The following DAB2IP variants were observed in gnomAD, a reference collection of about 807,000 sequenced individuals.
DAB2IP encodes the protein disabled homolog 2-interacting protein.
DAB2IP carries 28 observed loss-of-function variants against 107.2 expected under a neutral mutation model. That is an observed-to-expected ratio of 0.26 (90% CI 0.19 to 0.36). The LOEUF is 0.36. Ranked by LOEUF, DAB2IP falls within the 10% of genes least tolerant of loss-of-function variation. The probability of loss-of-function intolerance (pLI) is 1.00; values close to 1 mark genes in which losing one functional copy is unlikely to be tolerated. For synonymous variants in DAB2IP, 755 were observed against 706.4 expected (o/e 1.07, Z -1.09); for missense variants, 1,400 against 1,644.7 (o/e 0.85, Z 2.57).
intron 2 of DAB2IP, among the ~76,000 whole-genome samples, chr9:121,689,441 T>C (rs2118678624): frequency 6.6e-6 from 1 of 152,294 alleles, no homozygotes; most frequent in African/African-American, 2.4e-5. Context: ...TGGTGCATTT[T>C]GTATTCTGTA....
intron 2 of DAB2IP, among the ~76,000 whole-genome samples, chr9:121,694,454 A>G (rs1376379706): frequency 3.3e-5 from 5 of 152,070 alleles, no homozygotes; most frequent in Admixed American, 2.0e-4. Flanking sequence ...CTGGTAATAT[A>G]TCATCATCAT....
Position 121,635,912 on chromosome 9 carries a change from G to GAT in DAB2IP, c.41-42766_41-42765insAT, listed in dbSNP as rs1832071238. Among the ~76,000 whole-genome samples the GAT allele has an allele frequency of 1.3e-5, 2 of 152,038 alleles. No individual in the cohort carries two copies. Among genetic ancestry groups the GAT allele is most frequent in the Admixed American group, 6.5e-5 (1 of 15,270 alleles). The stretch of plus-strand genomic sequence containing the variant: ...CCTGTTTAGATGTCTTTTTTGGGGG[G>GAT]GGGTCTGGGGGATGGAGTCTTGCTC... On this transcript the variant is annotated intron_variant, in intron 1 of 16. Coordinates refer to the DAB2IP transcript ENST00000259371. This position sits in a 1 kb window ranked among gnomAD's most constrained non-coding sequence, Gnocchi z 4.3.
intron 3 of DAB2IP, among the ~76,000 whole-genome samples, chr9:121,730,103 C>T (rs1007542505): frequency 7.9e-5 from 12 of 152,160 alleles, no homozygotes; most frequent in Admixed American, 7.2e-4. Context: ...TCTCACTCCA[C>T]CTCGCTGCCT....
intron 1 of DAB2IP, among the ~76,000 whole-genome samples, chr9:121,616,733 A>C (rs1831292858): frequency 6.6e-6 from 1 of 152,184 alleles, no homozygotes; most frequent in South Asian, 2.1e-4. Flanking sequence ...GTCAGTCCTG[A>C]GTACCGGCCC....
intron 1 of DAB2IP, among the ~76,000 whole-genome samples, chr9:121,646,041 G>A (rs554744339): frequency 4.6e-5 from 7 of 152,168 alleles, no homozygotes; most frequent in African/African-American, 1.7e-4. Context: ...GCCCAGCCCT[G>A]GGTGACTTGA....
intron 1 of DAB2IP, among the ~76,000 whole-genome samples, chr9:121,640,274 G>A (rs536160033): frequency 1.3e-5 from 2 of 152,258 alleles, no homozygotes; most frequent in African/African-American, 2.4e-5. Flanking sequence ...TGGGTAGTGC[G>A]GATCTAGAAA....
intron 3 of DAB2IP, among the ~76,000 whole-genome samples, chr9:121,704,052 G>A (rs1829932755): frequency 6.6e-6 from 1 of 152,102 alleles, no homozygotes; most frequent in Non-Finnish European, 1.5e-5. Flanking sequence ...TTCCGTTTGG[G>A]TCATACTTGT....
At chr9:121,714,524 G>A (rs1320792138) in intron 3 of DAB2IP, among the ~76,000 whole-genome samples, 2 of 152,202 alleles carry the variant, frequency 1.3e-5, no homozygotes, top group Non-Finnish European at 2.9e-5. Flanking sequence ...TATTATAGAG[G>A]CTGGACTCAG....
intron 1 of DAB2IP, among the ~76,000 whole-genome samples, chr9:121,572,860 G>A (rs1234302274): frequency 6.6e-6 from 1 of 152,112 alleles, no homozygotes; most frequent in Non-Finnish European, 1.5e-5. Context: ...CATGGAGGTG[G>A]AGCAGGCAGC....
rs73661792 is a variant in DAB2IP at position 121,603,311 on chromosome 9, G to A, written c.40+36083G>A. On this transcript the variant is annotated intron_variant, in intron 1 of 16. Coordinates refer to the DAB2IP transcript ENST00000259371. ...GACTCACTAGGAGAGATACAGGGTG[G>A]AGGAATCGCCTGCATAGACCCCAGC... Among the ~76,000 whole-genome samples the A allele has an allele frequency of 3.3e-3, 510 of 152,356 alleles. 1 individual carries two copies. The highest frequency in any genetic ancestry group is 0.012 in the African/African-American group (490 of 41,586).
intron 3 of DAB2IP, among the ~76,000 whole-genome samples, chr9:121,749,188 G>A (rs550024252): frequency 3.9e-4 from 60 of 152,356 alleles, no homozygotes; most frequent in African/African-American, 1.3e-3. Flanking sequence ...CTGAGCAGCC[G>A]GTTCCCAGGC....
At chr9:121,773,907 TGCAG>T (rs1834972197) in intron 12 of DAB2IP, among the ~76,000 whole-genome samples, 1 of 152,220 alleles carries the variant, frequency 6.6e-6, no homozygotes, top group African/African-American at 2.4e-5. Context: ...ACCCAAAGGC[TGCAG>T]GCAGTGTCTG....
chr9:121,679,771 AC>A lies in DAB2IP; in HGVS notation c.228+991del, dbSNP rs1164812779. Among the ~76,000 whole-genome samples the A allele has an allele frequency of 8.5e-5, 13 of 152,088 alleles. 1 individual carries two copies. Among genetic ancestry groups the A allele is most frequent in the Non-Finnish European group, 2.9e-5 (2 of 67,992 alleles). ...GGGAGCTGGAAGTGATTGGCTATTC[AC>A]AGTGGGTTGGGAGGGGGTCCCACGG... On this transcript the variant is annotated intron_variant, in intron 2 of 15. Coordinates refer to ENST00000408936, the Ensembl canonical transcript of DAB2IP.
chr9:121,649,520 G>A (rs887737878), upstream of DAB2IP, among the ~76,000 whole-genome samples: 2 of 152,138 alleles, frequency 1.3e-5, no homozygotes, highest in African/African-American at 4.8e-5. Flanking sequence ...GCTGGAACCT[G>A]GCTGATCAGA....
chr9:121,749,306 T>C (rs1589635545), intron 3 of DAB2IP, among the ~76,000 whole-genome samples: 1 of 152,262 alleles, frequency 6.6e-6, no homozygotes. Flanking sequence ...AGTGCATTCA[T>C]TGTGACCATG....
upstream of DAB2IP, among the ~76,000 whole-genome samples, chr9:121,650,581 A>G (rs12335670): frequency 6.6e-6 from 1 of 152,154 alleles, no homozygotes; most frequent in Non-Finnish European, 1.5e-5. Flanking sequence ...GCCACTTTCC[A>G]TGTGACTGAG....
intron 1 of DAB2IP, among the ~76,000 whole-genome samples, chr9:121,603,098 C>T (rs1224043179): frequency 6.6e-6 from 1 of 152,256 alleles, no homozygotes; most frequent in Non-Finnish European, 1.5e-5. Flanking sequence ...CCTCCATCCT[C>T]CTACTGTGGC....
chr9:121,587,135 C>G (rs896113827), intron 1 of DAB2IP, among the ~76,000 whole-genome samples: 1 of 152,146 alleles, frequency 6.6e-6, no homozygotes, highest in African/African-American at 2.4e-5. Flanking sequence ...AATGAAGGCT[C>G]GGAGAAGCGA....
At chr9:121,765,845 T>C (rs1392614568) in intron 8 of DAB2IP, among the ~76,000 whole-genome samples, 1 of 152,198 alleles carries the variant, frequency 6.6e-6, no homozygotes, top group Non-Finnish European at 1.5e-5. Context: ...GCCGGCTTGC[T>C]CCATCACCCT....
Sources: gnomAD v4.1 joint callset for allele counts (sites outside exome capture counted in the v4.1 genomes callset) on GRCh38, gnomAD v4.1.1 for gene constraint, Gnocchi (gnomAD v3.1) non-coding constraint, MANE v1.5 for transcripts, NCBI Gene and HGNC (gene_info 2026-07-23, HGNC 2026-07-21) for gene names.